Variants in MAPK8 observed in about 807,000 individuals in gnomAD.
MAPK8 encodes the protein JUN N-terminal kinase.
In MAPK8, 13 loss-of-function variants were observed where a neutral mutation model predicts 52.9. The ratio of observed to expected loss-of-function variants is 0.25; its 90% CI spans 0.16 to 0.39. The LOEUF is 0.39. MAPK8 is among the 10% of genes least tolerant of loss of function. The pLI is 1.00. For synonymous variants in MAPK8, 191 were observed against 169.8 expected, an observed-to-expected ratio of 1.12 and a Z score of -0.97; for missense variants, 300 against 519.2, an observed-to-expected ratio of 0.58 and a Z score of 4.10.
chr10:48,325,018 C>T (rs1025290992), intron 1 of MAPK8, among the ~76,000 whole-genome samples: 56 of 151,892 alleles, frequency 3.7e-4, no homozygotes, highest in African/African-American at 1.3e-3. Context: ...CTCTGTCACC[C>T]AGGCTGGAGT....
In MAPK8 at chr10:48,438,632, C is replaced by T. The variant is rs1230791775; in HGVS notation, c.*3603C>T. 6.6e-6 allele frequency: 1 copy of T among 152,156 alleles called. No individual in the cohort carries two copies. The highest frequency in any genetic ancestry group is 2.4e-5 in the African/African-American group (1 of 41,442). 9.4% of individuals were successfully genotyped at this position (152,156 alleles called of 1,614,324 possible). On this transcript the variant is annotated 3_prime_UTR_variant, in exon 12 of 12. Transcript: ENST00000374189. ...TTAAACTAGGTTTTTATTGAACTAC[C>T]TCACACTAATTTTCTATGCTTTCCC... is the stretch of plus-strand genomic sequence containing the variant.
chr10:48,377,028 T>C (rs1370565087), intron 1 of MAPK8, among the ~76,000 whole-genome samples: 1 of 152,186 alleles, frequency 6.6e-6, no homozygotes, highest in Non-Finnish European at 1.5e-5. Context: ...CATGGAATAC[T>C]CCACAGCCAT....
intron 1 of MAPK8, among the ~76,000 whole-genome samples, chr10:48,320,352 C>T (rs1842890654): frequency 6.6e-6 from 1 of 151,126 alleles, no homozygotes; most frequent in African/African-American, 2.4e-5. Context: ...ATCCTCCTGC[C>T]TCAGCCTCTT....
chr10:48,421,450 C>T (rs556527638), intron 6 of MAPK8, among the ~76,000 whole-genome samples: 1 of 152,102 alleles, frequency 6.6e-6, no homozygotes, highest in Non-Finnish European at 1.5e-5. Flanking sequence ...GTGTCAGTGT[C>T]CTATAAATAT....
intron 1 of MAPK8, among the ~76,000 whole-genome samples, chr10:48,312,673 GAT>G (rs1935392762): frequency 1.3e-5 from 2 of 152,224 alleles, no homozygotes; most frequent in South Asian, 4.1e-4. Context: ...CCAAAGGTAA[GAT>G]AAAGAAAAGC....
chr10:48,382,043 A>G (rs533516449), intron 1 of MAPK8, among the ~76,000 whole-genome samples: 2 of 152,184 alleles, frequency 1.3e-5, no homozygotes, highest in Non-Finnish European at 2.9e-5. Flanking sequence ...TAGCCAGGAG[A>G]CAACAGCCAG....
rs2042667956 is a variant in MAPK8 at position 48,410,039 on chromosome 10, C to T, written c.321C>T (p.Val107=). ...TTTTTCACTCATAAAGTTACATAGT[C>T]ATGGAGCTCATGGATGCAAATCTTT... ...SLEEFQDVYI[V]MELMDANLCQ... is the part of the protein sequence containing the mutation. The change falls in exon 5 of 12, where the codon GTC becomes GTT. Residue 107 remains valine, a synonymous_variant. Transcript: ENST00000374189. 3.7e-6 allele frequency: 6 copies of T among 1,601,568 alleles called. No homozygotes were observed. The highest frequency in any genetic ancestry group is 5.1e-6 in the Non-Finnish European group (6 of 1,175,150).
chr10:48,369,194 G>T (rs1035907485), intron 1 of MAPK8, among the ~76,000 whole-genome samples: 1 of 152,158 alleles, frequency 6.6e-6, no homozygotes, highest in Admixed American at 6.6e-5. Context: ...AAAGGAAGGG[G>T]ACCTCTTTAA....
At chr10:48,319,164 G>A (rs1013294999) in intron 1 of MAPK8, among the ~76,000 whole-genome samples, 7 of 152,136 alleles carry the variant, frequency 4.6e-5, no homozygotes, top group Non-Finnish European at 1.0e-4. Flanking sequence ...TTTCTGTTAC[G>A]TTGTTAAAAG....
chr10:48,418,217 A>G (rs1336249790), intron 5 of MAPK8, among the ~76,000 whole-genome samples: 4 of 152,202 alleles, frequency 2.6e-5, no homozygotes, highest in African/African-American at 9.6e-5. Flanking sequence ...TACGTAACCT[A>G]GATCACCTTT....
intron 1 of MAPK8, among the ~76,000 whole-genome samples, chr10:48,359,599 C>T (rs140403750): frequency 3.3e-5 from 5 of 152,010 alleles, no homozygotes; most frequent in South Asian, 4.2e-4. Flanking sequence ...AATAGAGTAC[C>T]CAGAACCACC....
chr10:48,390,068 AAGGCC>A (rs1053969554), intron 1 of MAPK8, among the ~76,000 whole-genome samples: 7 of 152,264 alleles, frequency 4.6e-5, no homozygotes, highest in Non-Finnish European at 1.0e-4. Context: ...TTTCAGTCCA[AAGGCC>A]AGTAGGCTCA....
At chr10:48,379,721 CCTGTT>C (rs1327377009) in intron 1 of MAPK8, among the ~76,000 whole-genome samples, 1 of 152,028 alleles carries the variant, frequency 6.6e-6, no homozygotes, top group Non-Finnish European at 1.5e-5. Context: ...GTAATTAATT[CCTGTT>C]CTGTTTCATG....
chr10:48,387,572 A>G (rs1217435315), intron 1 of MAPK8, among the ~76,000 whole-genome samples: 1 of 152,156 alleles, frequency 6.6e-6, no homozygotes, highest in East Asian at 1.9e-4. Flanking sequence ...TGGTAGTGAC[A>G]TTTTATTATA....
chr10:48,418,119 G>A (rs1254873500), intron 5 of MAPK8, among the ~76,000 whole-genome samples: 3 of 152,162 alleles, frequency 2.0e-5, no homozygotes, highest in African/African-American at 7.2e-5. Flanking sequence ...AAGCAGGCAG[G>A]CCTTAATTTG....
At chr10:48,431,085 C>T in intron 10 of MAPK8, 108 bp from the exon 11 acceptor site, 1 of 697,528 alleles carries the variant, frequency 1.4e-6, no homozygotes, top group East Asian at 2.7e-5. Context: ...TGTAAGGACA[C>T]TGTTTGAAGT....
intron 1 of MAPK8, among the ~76,000 whole-genome samples, chr10:48,388,862 C>A (rs1464596808): frequency 6.6e-6 from 1 of 151,990 alleles, no homozygotes; most frequent in East Asian, 1.9e-4. Context: ...AGAGGAGGAA[C>A]CGTAAAGTCC....
At chr10:48,373,089 C>G (rs974655619) in intron 1 of MAPK8, among the ~76,000 whole-genome samples, 1 of 152,076 alleles carries the variant, frequency 6.6e-6, no homozygotes, top group East Asian at 1.9e-4. Context: ...ATTCAACATT[C>G]TTAAAGAAAA....
intron 5 of MAPK8, among the ~76,000 whole-genome samples, chr10:48,413,818 TATATA>T (rs1564603863): frequency 1.7e-4 from 10 of 58,934 alleles, no homozygotes; most frequent in African/African-American, 6.5e-4. Flanking sequence ...AGAATTGTTA[TATATA>T]TATATATATA....
Sources: allele counts gnomAD v4.1 joint callset (sites outside exome capture counted in the v4.1 genomes callset), GRCh38; gene constraint gnomAD v4.1.1; transcripts MANE v1.5; gene names NCBI Gene and HGNC (gene_info 2026-07-23, HGNC 2026-07-21).